LTBP3: variants seen among roughly 807,000 people sequenced by gnomAD.
LTBP3 encodes the protein latent-transforming growth factor beta-binding protein 3.
Under a neutral mutation model 159.7 loss-of-function variants are expected in LTBP3, and 97 were observed. The ratio of observed to expected loss-of-function variants is 0.61; its 90% CI spans 0.52 to 0.72. LTBP3 has a LOEUF of 0.72. LTBP3 is among the 30% of genes least tolerant of loss of function. The probability of loss-of-function intolerance (pLI) is 0.00; values close to 1 mark genes in which losing one functional copy is unlikely to be tolerated. For synonymous variants in LTBP3, 824 were observed against 777.1 expected, an observed-to-expected ratio of 1.06 and a Z score of -1.00; for missense variants, 1,584 against 1,864.3, an observed-to-expected ratio of 0.85 and a Z score of 2.77.
In LTBP3 at chr11:65,547,826, G is replaced by A; in HGVS notation, c.1847-5C>T. On this transcript the variant is annotated splice_polypyrimidine_tract_variant and splice_region_variant and intron_variant, in intron 12 of 27. Coordinates refer to ENST00000301873, the MANE Select transcript of LTBP3 (RefSeq NM_001130144.3). The surrounding 1 kb of genome is among the most constrained non-coding windows in gnomAD (Gnocchi z 4.6). ...CTGCCTCGCACTCGTTCACATCTGA[G>A]AAGAACGGGTAGGCCAAGAAAAGTC... The A allele has an allele frequency of 6.2e-7, 1 of 1,613,330 alleles. No homozygotes were observed. Among genetic ancestry groups the A allele is most frequent in the Admixed American group, 1.7e-5 (1 of 60,024 alleles).
At chr11:65,551,887 T>C in intron 8 of LTBP3, 85 bp downstream of exon 8, 1 of 1,453,764 alleles carries the variant, frequency 6.9e-7, no homozygotes, top group Non-Finnish European at 9.6e-7. Context: ...GGTTAGACTG[T>C]GAGGTCAGAT....
rs2135159866 is a variant in LTBP3, at chr11:65,554,231, T to C, written c.481A>G (p.Thr161Ala). Residue 161 changes from threonine (T) to alanine (A), a missense_variant, in exon 2 of 28, where the codon ACA becomes GCA. By Grantham distance (58) the Thr-to-Ala change is moderately conservative. Coordinates refer to ENST00000301873, the MANE Select transcript of LTBP3 (RefSeq NM_001130144.3). The surrounding 1 kb of genome is among the most constrained non-coding windows in gnomAD (Gnocchi z 5.3). The part of the protein sequence containing the change: ...TGGSGPGLSR[T>A]GALSTGALPP... ...AGCGCCCCTGTGGACAGGGCCCCTGTCCTGCTCAGGCCGGGGCCTGAGCCG... is the reference window on the plus strand; with the variant it reads ...AGCGCCCCTGTGGACAGGGCCCCTGCCCTGCTCAGGCCGGGGCCTGAGCCG... 1.2e-6 allele frequency: 2 copies of C among 1,607,040 alleles called. No homozygotes were observed. The highest frequency in any genetic ancestry group is 2.2e-5 in the South Asian group (2 of 90,960).
chr11:65,548,301 C>T (rs1856468984), intron 11 of LTBP3: 1 of 619,906 alleles, frequency 1.6e-6, no homozygotes, highest in Non-Finnish European at 2.9e-6. Flanking sequence ...TCCCGGTTCA[C>T]TCCAAGACCC....
intron 20 of LTBP3, 72 bp downstream of exon 20, chr11:65,541,054 G>A: frequency 6.3e-7 from 1 of 1,584,880 alleles, no homozygotes; most frequent in Non-Finnish European, 8.6e-7. Flanking sequence ...CTGCCAGGGG[G>A]CGCCATTTCC....
At position 65,543,092 on chromosome 11, in the gene LTBP3, C is replaced by T. The variant is rs1159395269; in HGVS notation, c.2596+13G>A. Reference sequence around the variant, plus strand: ...GCCACATCCCTCAGGAACCCTCAGCCAGTCCCCCATACCTTGGCATTTCCT... The same window carrying T: ...GCCACATCCCTCAGGAACCCTCAGCTAGTCCCCCATACCTTGGCATTTCCT... On this transcript the variant is annotated intron_variant, in intron 18 of 27. Coordinates refer to ENST00000301873, the MANE Select transcript of LTBP3 (RefSeq NM_001130144.3). 1.2e-6 allele frequency: 2 copies of T among 1,613,830 alleles called. No individual in the cohort carries two copies. The highest frequency in any genetic ancestry group is 1.1e-5 in the South Asian group (1 of 91,060).
chr11:65,553,940 C>A lies in LTBP3; in HGVS notation c.662-37G>T. 6.6e-7 allele frequency: 1 copy of A among 1,518,918 alleles called. No homozygotes were observed. The highest frequency in any genetic ancestry group is 8.9e-7 in the Non-Finnish European group (1 of 1,129,560). The allele number at this position is 1,518,918 out of a possible 1,614,324, so 94.1% of individuals were successfully genotyped here. On this transcript the variant is annotated intron_variant, in intron 2 of 27. Coordinates refer to ENST00000301873, the MANE Select transcript of LTBP3 (RefSeq NM_001130144.3). This position sits in a 1 kb window ranked among gnomAD's most constrained non-coding sequence, Gnocchi z 6.5. ...CGCGGTGGCCTCAGGGCTGCCCGCA[C>A]CGCGCCGCGGGTCACCGCGCTGAGC...
chr11:65,552,330 G>A lies in LTBP3; in HGVS notation c.1263C>T (p.Thr421=), dbSNP rs768453693. Residue 421 remains threonine, a synonymous_variant, in exon 7 of 28, where the codon ACC becomes ACT. Transcript: ENST00000301873. The surrounding 1 kb of genome is among the most constrained non-coding windows in gnomAD (Gnocchi z 6.0). ...PEHQCQHPLT[T]RLTRQLCCCS... ...AGCAGCAGAGCTGGCGGGTCAGGCGGGTGGTCAGTGGGTGCTGGCACTGGT... is the reference window on the plus strand; with the variant it reads ...AGCAGCAGAGCTGGCGGGTCAGGCGAGTGGTCAGTGGGTGCTGGCACTGGT... 2 of 1,614,084 alleles carry A rather than the reference G, an allele frequency of 1.2e-6. No individual in the cohort carries two copies. Among genetic ancestry groups the A allele is most frequent in the Non-Finnish European group, 1.7e-6 (2 of 1,179,996 alleles).
intron 11 of LTBP3, 75 bp downstream of exon 11, chr11:65,551,051 G>A: frequency 8.2e-7 from 1 of 1,213,862 alleles, no homozygotes; most frequent in Non-Finnish European, 1.2e-6. Flanking sequence ...GGAATGCCTG[G>A]GGGCGGGAGG....
At chr11:65,542,129 C>CTCT (rs1856162251) in intron 18 of LTBP3, 1 of 293,690 alleles carries the variant, frequency 3.4e-6, no homozygotes, top group African/African-American at 2.2e-5. Context: ...GCAATTACTG[C>CTCT]TCTTTGGTCC....
chr11:65,551,767 G>C (rs982318249), intron 8 of LTBP3: 1 of 896,904 alleles, frequency 1.1e-6, no homozygotes, highest in East Asian at 2.5e-5. Flanking sequence ...TTGGGTTACA[G>C]GTCAGGCTGT....
intron 1 of LTBP3, 48 bp downstream of exon 1, chr11:65,557,581 C>T: frequency 6.2e-7 from 1 of 1,601,736 alleles, no homozygotes; most frequent in Non-Finnish European, 8.5e-7. Context: ...TCCCACCGGG[C>T]CTGGTGCCTG....
rs1307486906 is a variant in LTBP3 at position 65,554,704 on chromosome 11, C to T, written c.332-324G>A. 6.6e-6 allele frequency among the ~76,000 whole-genome samples: 1 copy of T among 152,010 alleles called. No individual in the cohort carries two copies. Among genetic ancestry groups the T allele is most frequent in the African/African-American group, 2.4e-5 (1 of 41,356 alleles). On this transcript the variant is annotated intron_variant, in intron 1 of 27. Coordinates refer to ENST00000301873, the MANE Select transcript of LTBP3 (RefSeq NM_001130144.3). The surrounding 1 kb of genome is among the most constrained non-coding windows in gnomAD (Gnocchi z 5.3). ...AGGTAAGGGCTGTACAAATGCTTAC[C>T]CCAGGGCCTGGTACACAAAGGGTGC...
At chr11:65,542,438 A>AG (rs1458593428) in intron 18 of LTBP3, 1 of 123,978 alleles carries the variant, frequency 8.1e-6, no homozygotes, top group Non-Finnish European at 1.5e-5. Context: ...CCCAGGCTGG[A>AG]GTACAGTGGC....
At chr11:65,540,427 G>GGC in intron 22 of LTBP3, 45 bp from the exon 23 acceptor site, 4 of 1,608,734 alleles carry the variant, frequency 2.5e-6, no homozygotes, top group Non-Finnish European at 3.4e-6. Flanking sequence ...GCCCGGGATG[G>GGC]GCGCGGTGGC....
intron 17 of LTBP3, 98 bp from the exon 18 acceptor site, chr11:65,543,322 C>T (rs769483239): frequency 2.7e-5 from 44 of 1,611,586 alleles, no homozygotes; most frequent in African/African-American, 1.1e-4. Context: ...GTCAGTCCCA[C>T]GCCCCTATGC....
chr11:65,555,526 C>T (rs1412120910), intron 1 of LTBP3, among the ~76,000 whole-genome samples: 2 of 152,178 alleles, frequency 1.3e-5, no homozygotes, highest in Non-Finnish European at 2.9e-5. Context: ...GCCTTACCAC[C>T]CACTGGCCAG....
rs1000626384 is a variant in LTBP3 at position 65,539,897 on chromosome 11, G to A, written c.3386-16C>T. ...GGGGCACGCTCTGCGGAAGACACCT[G>A]GCATCAGGGGAGGGGCCCAAGGCAG... On this transcript the variant is annotated splice_polypyrimidine_tract_variant and intron_variant, in intron 24 of 27. Coordinates refer to ENST00000301873, the MANE Select transcript of LTBP3 (RefSeq NM_001130144.3). The A allele has an allele frequency of 1.1e-5, 16 of 1,505,834 alleles. No homozygotes were observed. The highest frequency in any genetic ancestry group is 3.6e-4 in the Middle Eastern group (2 of 5,554). 93.3% of individuals were successfully genotyped at this position (1,505,834 alleles called of 1,614,324 possible).
At position 65,541,723 on chromosome 11, in the gene LTBP3, C is replaced by A. The variant is rs765586018; in HGVS notation, c.2602G>T (p.Asp868Tyr). 6.2e-7 allele frequency: 1 copy of A among 1,614,058 alleles called. No homozygotes were observed. Among genetic ancestry groups the A allele is most frequent in the Non-Finnish European group, 8.5e-7 (1 of 1,179,956 alleles). The change falls in exon 19 of 28, where the codon GAT becomes TAT. Residue 868 changes from aspartate (D) to tyrosine (Y), a missense_variant. Transcript: ENST00000301873. ...AGGCTCGGGTCCTGGCTGCACTCAT[C>A]TATGTCTGCGGGGCAAGAGTAGCGC... ...LVGGRKCQDIDECSQDPSLCL... is the reference protein window; with the variant it reads ...LVGGRKCQDIYECSQDPSLCL...
chr11:65,540,944 G>C lies in LTBP3; in HGVS notation c.2904C>G (p.His968Gln). The C allele has an allele frequency of 6.2e-7, 1 of 1,613,386 alleles. No homozygotes were observed. The highest frequency in any genetic ancestry group is 8.5e-7 in the Non-Finnish European group (1 of 1,179,736). The change falls in exon 21 of 28, where the codon CAC (histidine) becomes CAG (glutamine). Residue 968 changes from histidine to glutamine, a missense_variant. By Grantham distance (24) the His-to-Gln change is conservative (BLOSUM62 0). This residue lies in a region of LTBP3 where 514 missense variants were observed against 530.3 expected (regional missense o/e 0.97). Transcript: ENST00000301873. ...AGCCCTTTCCGTCTGGGCAGAGGCT[G>C]TGGAACTCGGCTGCAGGGGCAGGGC... Reference protein sequence around the residue: ...PCPVYSSAEFHSLCPDGKGYT... With the variant: ...PCPVYSSAEFQSLCPDGKGYT...
Sources: gnomAD v4.1 joint callset for allele counts (sites outside exome capture counted in the v4.1 genomes callset) on GRCh38, gnomAD v4.1.1 for gene constraint, gnomAD v4.1.1 regional missense constraint, Gnocchi (gnomAD v3.1) non-coding constraint, MANE v1.5 for transcripts, NCBI Gene and HGNC (gene_info 2026-07-23, HGNC 2026-07-21) for gene names.